The following HMCN1 variants were observed in gnomAD, a reference collection of about 807,000 sequenced individuals.
HMCN1 encodes the protein hemicentin 1.
HMCN1 carries 321 observed loss-of-function variants against 625.9 expected under a neutral mutation model. The ratio of observed to expected loss-of-function variants is 0.51; its 90% CI spans 0.47 to 0.56. The LOEUF (loss-of-function observed/expected upper bound fraction) is 0.56, where lower values mean the gene tolerates loss of function less well. HMCN1 is among the 20% of genes least tolerant of loss of function. The pLI, the probability that HMCN1 is intolerant of heterozygous loss-of-function variation, is 0.00. For missense variants in HMCN1, 6,588 were observed against 6,887.3 expected, an observed-to-expected ratio of 0.96 and a Z score of 1.54; for synonymous variants, 2,425 against 2,417.6, an observed-to-expected ratio of 1.00 and a Z score of -0.09.
intron 1 of HMCN1, among the ~76,000 whole-genome samples, chr1:185,786,210 C>T (rs892270357): frequency 1.3e-5 from 2 of 152,154 alleles, no homozygotes; most frequent in South Asian, 4.1e-4. Flanking sequence ...GTTTCCAAAT[C>T]GAAGGCCCAG....
chr1:185,869,430 A>G (rs1663469283), intron 4 of HMCN1, among the ~76,000 whole-genome samples: 1 of 152,204 alleles, frequency 6.6e-6, no homozygotes, highest in South Asian at 2.1e-4. Flanking sequence ...TAGTGTTATT[A>G]TAACACTGGT....
intron 1 of HMCN1, among the ~76,000 whole-genome samples, chr1:185,760,106 A>G (rs1655396141): frequency 6.6e-6 from 1 of 152,210 alleles, no homozygotes; most frequent in African/African-American, 2.4e-5. Flanking sequence ...TGGGGATAGG[A>G]TATGGACTAG....
chr1:186,100,039 G>T (rs1395767342), intron 68 of HMCN1, among the ~76,000 whole-genome samples: 1 of 151,982 alleles, frequency 6.6e-6, no homozygotes, highest in African/African-American at 2.4e-5. Flanking sequence ...TAAATGCAGG[G>T]GCCTGGTCTA....
intron 2 of HMCN1, 23 bp downstream of exon 2, chr1:185,846,119 C>T (rs764038380): frequency 3.3e-6 from 5 of 1,524,216 alleles, no homozygotes; most frequent in Non-Finnish European, 4.6e-6. Flanking sequence ...TTTCAGTGTT[C>T]TCTTGGGGGA....
chr1:186,164,662 A>G (rs1386733969), intron 97 of HMCN1, among the ~76,000 whole-genome samples: 1 of 152,186 alleles, frequency 6.6e-6, no homozygotes, highest in African/African-American at 2.4e-5. Flanking sequence ...CTAATGCGGG[A>G]GATCCACAAA....
At chr1:185,790,864 A>T (rs1657940900) in intron 1 of HMCN1, among the ~76,000 whole-genome samples, 1 of 152,134 alleles carries the variant, frequency 6.6e-6, no homozygotes, top group East Asian at 1.9e-4. Context: ...TATAAGCCTT[A>T]GCTTATTTAT....
chr1:186,014,783 T>C (rs1654249740), intron 30 of HMCN1, among the ~76,000 whole-genome samples: 1 of 152,176 alleles, frequency 6.6e-6, no homozygotes, highest in Non-Finnish European at 1.5e-5. Flanking sequence ...GGGCATACAG[T>C]TGTACCACAT....
At position 186,003,761 on chromosome 1, in the gene HMCN1, A is replaced by C. The variant is rs1188854535; in HGVS notation, c.4392A>C (p.Ser1464=). The change falls in exon 29 of 107, where the codon TCA becomes TCC. Residue 1464 remains serine (S), a synonymous_variant. Transcript: ENST00000271588. ...GTACCAACTTCCCAAATGAAGTCTCAGTTGTCCTCAACCGTGACGTCGCCC... is the reference window on the plus strand; with the variant it reads ...GTACCAACTTCCCAAATGAAGTCTCCGTTGTCCTCAACCGTGACGTCGCCC... The part of the protein sequence containing the change: ...IIGTNFPNEV[S]VVLNRDVALE... 6.2e-7 allele frequency: 1 copy of C among 1,612,776 alleles called. No individual in the cohort carries two copies. Among genetic ancestry groups the C allele is most frequent in the East Asian group, 2.2e-5 (1 of 44,828 alleles).
At chr1:185,834,012 G>A (rs1661027525) in intron 1 of HMCN1, among the ~76,000 whole-genome samples, 1 of 152,070 alleles carries the variant, frequency 6.6e-6, no homozygotes, top group Non-Finnish European at 1.5e-5. Flanking sequence ...AATTGCTATA[G>A]TGACTATTTT....
At chr1:185,757,120 G>A (rs923684432) in intron 1 of HMCN1, among the ~76,000 whole-genome samples, 3 of 152,010 alleles carry the variant, frequency 2.0e-5, no homozygotes, top group Admixed American at 6.6e-5. Context: ...GATTACAGGC[G>A]CCTGCCACCA....
At chr1:186,111,835 G>A (rs1461517995) in intron 71 of HMCN1, among the ~76,000 whole-genome samples, 1 of 152,142 alleles carries the variant, frequency 6.6e-6, no homozygotes, top group Non-Finnish European at 1.5e-5. Flanking sequence ...GAGAAAATGT[G>A]TAAACTTTTA....
At chr1:185,970,219 T>C in intron 14 of HMCN1, 116 bp from the exon 15 acceptor site, 1 of 934,160 alleles carries the variant, frequency 1.1e-6, no homozygotes, top group Non-Finnish European at 1.8e-6. Flanking sequence ...TGCCAAACAC[T>C]TGTGTTTAAA....
chr1:185,928,808 CA>C, intron 10 of HMCN1, 141 bp downstream of exon 10: 1 of 861,710 alleles, frequency 1.2e-6, no homozygotes, highest in South Asian at 1.4e-5. Context: ...ATTGAGAACT[CA>C]AATCCTGTGC....
In HMCN1 at chr1:185,965,815, G is replaced by C; in HGVS notation, c.2112G>C (p.Leu704Phe). 6.2e-7 allele frequency: 1 copy of C among 1,607,240 alleles called. No homozygotes were observed. The highest frequency in any genetic ancestry group is 1.1e-5 in the South Asian group (1 of 90,952). The change falls in exon 14 of 107, where the codon TTG becomes TTC. Residue 704 changes from leucine to phenylalanine, a missense_variant. By Grantham distance (22) the Leu-to-Phe change is conservative. Transcript: ENST00000271588. ...TGTTTTTTTCAGAAGCCCCTAAGTT[G>C]ATGGTAGTTCAGAGTGAGCTCTTGG... is the stretch of plus-strand genomic sequence containing the variant. ...STLRYIEAPK[L>F]MVVQSELLVA... is the part of the protein sequence containing the mutation.
At chr1:185,789,763 G>A (rs75492303) in intron 1 of HMCN1, among the ~76,000 whole-genome samples, 7,470 of 152,188 alleles carry the variant, frequency 0.049, 562 homozygotes, top group African/African-American at 0.17. Flanking sequence ...GCTGTTTTCA[G>A]AGCCAGTTTT....
chr1:186,151,805 A>T (rs1650684259), intron 95 of HMCN1, 62 bp downstream of exon 95: 1 of 1,511,612 alleles, frequency 6.6e-7, no homozygotes, highest in Non-Finnish European at 9.2e-7. Flanking sequence ...ATAGGTGATT[A>T]AGAAAAATAC....
intron 49 of HMCN1, among the ~76,000 whole-genome samples, chr1:186,066,148 A>G (rs575990386): frequency 8.3e-4 from 127 of 152,312 alleles, no homozygotes; most frequent in Non-Finnish European, 1.4e-3. Context: ...TGCAAGAAAA[A>G]TTACATCAAA....
intron 85 of HMCN1, among the ~76,000 whole-genome samples, chr1:186,131,517 T>G (rs567145984): frequency 1.2e-4 from 18 of 152,260 alleles, no homozygotes; most frequent in Middle Eastern, 6.8e-3. Context: ...GTATCTCCAA[T>G]GCTGAAACTC....
chr1:186,134,703 T>C (rs1466645516), intron 86 of HMCN1, among the ~76,000 whole-genome samples: 2 of 152,202 alleles, frequency 1.3e-5, no homozygotes, highest in African/African-American at 4.8e-5. Context: ...TTTTGTCTTA[T>C]TTGTATTCTA....
Sources: allele counts gnomAD v4.1 joint callset (sites outside exome capture counted in the v4.1 genomes callset), GRCh38; gene constraint gnomAD v4.1.1; transcripts MANE v1.5; gene names NCBI Gene and HGNC (gene_info 2026-07-23, HGNC 2026-07-21).